MACROD2: variants seen among roughly 807,000 people sequenced by gnomAD.
MACROD2 encodes the protein ADP-ribose glycohydrolase MACROD2.
A neutral mutation model predicts 70.4 loss-of-function variants in MACROD2; 36 were observed. The ratio of observed to expected loss-of-function variants is 0.51; its 90% CI spans 0.39 to 0.68. MACROD2 has a LOEUF of 0.68. Ranked by LOEUF, MACROD2 falls within the 30% of genes least tolerant of loss-of-function variation. The pLI, the probability that MACROD2 is intolerant of heterozygous loss-of-function variation, is 0.00. For synonymous variants in MACROD2, 172 were observed against 178.8 expected, an observed-to-expected ratio of 0.96 and a Z score of 0.30; for missense variants, 496 against 538.4, an observed-to-expected ratio of 0.92 and a Z score of 0.78.
intron 5 of MACROD2, among the ~76,000 whole-genome samples, chr20:14,993,039 A>G (rs867009476): frequency 2.6e-5 from 4 of 152,104 alleles, no homozygotes; most frequent in Non-Finnish European, 5.9e-5. Flanking sequence ...CTCTTTCTCT[A>G]TCTGCCTCCC....
chr20:14,216,974 A>G (rs1300818631), intron 3 of MACROD2, among the ~76,000 whole-genome samples: 3 of 152,016 alleles, frequency 2.0e-5, no homozygotes, highest in South Asian at 2.1e-4. Context: ...TTTATTTCCT[A>G]TTTACCAATT....
intron 3 of MACROD2, among the ~76,000 whole-genome samples, chr20:14,462,186 C>G (rs939481184): frequency 6.6e-6 from 1 of 152,208 alleles, no homozygotes; most frequent in East Asian, 1.9e-4. Context: ...CACATCCTCT[C>G]CAGCACCTGT....
In MACROD2 at chr20:14,251,128, A is replaced by G. The variant is rs767291860; in HGVS notation, c.271+165400A>G. Reference sequence around the variant, plus strand: ...TGAATTCGAATGTGTTTGAGGACCTATGTACTATCAGATCACAACAAAACT... The same window carrying G: ...TGAATTCGAATGTGTTTGAGGACCTGTGTACTATCAGATCACAACAAAACT... On this transcript the variant is annotated intron_variant, in intron 3 of 17. Transcript: ENST00000684519. 1.2e-4 allele frequency among the ~76,000 whole-genome samples: 19 copies of G among 152,166 alleles called. No individual in the cohort carries two copies. In the South Asian group the frequency reaches 1.7e-3, roughly 13 times the overall value.
chr20:15,154,674 G>C (rs1206081699), intron 5 of MACROD2, among the ~76,000 whole-genome samples: 1 of 152,204 alleles, frequency 6.6e-6, no homozygotes, highest in Non-Finnish European at 1.5e-5. Context: ...GAGTGAGAGA[G>C]TTCTCTAGGG....
chr20:14,145,140 A>G (rs2054928725), intron 3 of MACROD2, among the ~76,000 whole-genome samples: 1 of 152,136 alleles, frequency 6.6e-6, no homozygotes, highest in African/African-American at 2.4e-5. Context: ...TACCTCTACA[A>G]AAAAAGCACT....
intron 5 of MACROD2, among the ~76,000 whole-genome samples, chr20:15,012,039 T>G (rs2075086665): frequency 6.6e-6 from 1 of 152,224 alleles, no homozygotes; most frequent in Non-Finnish European, 1.5e-5. Context: ...GTTTCAGTTA[T>G]ATGTGATAGT....
At chr20:14,011,154 A>T (rs554434459) in intron 2 of MACROD2, among the ~76,000 whole-genome samples, 5 of 152,110 alleles carry the variant, frequency 3.3e-5, no homozygotes, top group African/African-American at 9.7e-5. Flanking sequence ...TGTTGAACTC[A>T]TGGGGTTCTG....
At chr20:14,214,586 C>CTT (rs11479144) in intron 3 of MACROD2, among the ~76,000 whole-genome samples, 2 of 131,338 alleles carry the variant, frequency 1.5e-5, no homozygotes, top group African/African-American at 2.9e-5. Context: ...CAGCAATGTT[C>CTT]TTTTTTTTTT....
At chr20:14,679,050 G>T (rs1327521595) in intron 4 of MACROD2, among the ~76,000 whole-genome samples, 3 of 152,016 alleles carry the variant, frequency 2.0e-5, no homozygotes, top group African/African-American at 4.8e-5. Context: ...GATAGGTGGG[G>T]ATATACAAAA....
chr20:15,278,463 C>T (rs886327872), intron 6 of MACROD2, among the ~76,000 whole-genome samples: 1 of 152,142 alleles, frequency 6.6e-6, no homozygotes, highest in African/African-American at 2.4e-5. Context: ...GAGTCTAGAT[C>T]CCTCCCAGTC....
intron 4 of MACROD2, among the ~76,000 whole-genome samples, chr20:14,660,191 A>C (rs962366475): frequency 6.6e-6 from 1 of 152,210 alleles, no homozygotes; most frequent in African/African-American, 2.4e-5. Flanking sequence ...TTTAGATGTC[A>C]TACTTTGTTA....
chr20:15,703,203 A>G (rs1486061456), intron 8 of MACROD2, among the ~76,000 whole-genome samples: 1 of 152,232 alleles, frequency 6.6e-6, no homozygotes, highest in African/African-American at 2.4e-5. Flanking sequence ...AAGAAAACCT[A>G]GGAGATACCC....
intron 10 of MACROD2, among the ~76,000 whole-genome samples, chr20:15,922,441 C>T (rs1028084134): frequency 1.3e-5 from 2 of 152,198 alleles, no homozygotes; most frequent in Admixed American, 1.3e-4. Flanking sequence ...TTTCACACTA[C>T]ATTCAAAATC....
chr20:14,164,003 A>C (rs1483206505), intron 3 of MACROD2, among the ~76,000 whole-genome samples: 1 of 150,422 alleles, frequency 6.6e-6, no homozygotes, highest in Admixed American at 6.6e-5. Context: ...GAGGTGGCAT[A>C]TTTCCTTCTT....
At chr20:16,018,580 A>G (rs1357094173) in intron 15 of MACROD2, among the ~76,000 whole-genome samples, 3 of 152,100 alleles carry the variant, frequency 2.0e-5, no homozygotes, top group African/African-American at 7.2e-5. Context: ...ATTATCTTTA[A>G]CCGGATATAT....
intron 3 of MACROD2, among the ~76,000 whole-genome samples, chr20:14,253,559 T>C (rs886553025): frequency 1.3e-5 from 2 of 152,144 alleles, no homozygotes; most frequent in African/African-American, 2.4e-5. Flanking sequence ...TCATAAAAGC[T>C]ACTTTAAAAA....
At chr20:15,285,923 C>T (rs1226111415) in intron 6 of MACROD2, among the ~76,000 whole-genome samples, 1 of 151,920 alleles carries the variant, frequency 6.6e-6, no homozygotes, top group African/African-American at 2.4e-5. Context: ...TGTGGCAATT[C>T]TAAATGATTA....
intron 8 of MACROD2, among the ~76,000 whole-genome samples, chr20:15,684,835 A>T (rs1022957785): frequency 6.6e-6 from 1 of 152,148 alleles, no homozygotes; most frequent in Non-Finnish European, 1.5e-5. Context: ...TTGAACATGC[A>T]TGTTTATATA....
chr20:15,870,010 T>C (rs1601025122), intron 9 of MACROD2, among the ~76,000 whole-genome samples: 1 of 152,104 alleles, frequency 6.6e-6, no homozygotes, highest in African/African-American at 2.4e-5. Flanking sequence ...ATTTTGATAA[T>C]AATTTTTAAT....
Sources: allele counts gnomAD v4.1 joint callset (sites outside exome capture counted in the v4.1 genomes callset), GRCh38; gene constraint gnomAD v4.1.1; transcripts MANE v1.5; gene names NCBI Gene and HGNC (gene_info 2026-07-23, HGNC 2026-07-21).